Variants in SERPINB2 observed in about 807,000 individuals in gnomAD.
The protein encoded by SERPINB2 is plasminogen activator inhibitor 2.
A neutral mutation model predicts 39.4 loss-of-function variants in SERPINB2; 28 were observed. The observed-to-expected ratio is 0.71, with a 90% CI of 0.53 to 0.97. The LOEUF is 0.97. Ranked by LOEUF, SERPINB2 falls within the 50% of genes least tolerant of loss-of-function variation. SERPINB2 has a pLI of 0.00. For synonymous variants in SERPINB2, 209 were observed against 175.1 expected (o/e 1.19, Z -1.53); for missense variants, 557 against 505.3 (o/e 1.10, Z -0.98).
Position 63,897,727 on chromosome 18 carries a change from GA to G in SERPINB2, c.420del (p.Glu140AspfsTer17), listed in dbSNP as rs1350662973. 6.4e-7 allele frequency: 1 copy of G among 1,573,048 alleles called. No homozygotes were observed. Among genetic ancestry groups the G allele is most frequent in the Non-Finnish European group, 8.7e-7 (1 of 1,143,362 alleles). ...FGEKSASFRE[E>X]YIRLCQKYYS... ...CCTTTGTCATTTTCTTGCTTTAAAG[GA>G]ATATATTCGACTCTGTCAGAAATAT... On this transcript the variant is annotated frameshift_variant and splice_region_variant, in exon 5 of 8. Coordinates refer to ENST00000299502, the MANE Select transcript of SERPINB2 (RefSeq NM_002575.3). LOFTEE classifies it high-confidence loss of function.
chr18:63,900,380 G>A (rs773966789), intron 5 of SERPINB2, among the ~76,000 whole-genome samples: 1 of 152,184 alleles, frequency 6.6e-6, no homozygotes, highest in Non-Finnish European at 1.5e-5. Context: ...GTGGGGCTTA[G>A]CCTTCAAGGG....
intron 1 of SERPINB2, chr18:63,891,031 A>G (rs570697393): frequency 1.5e-4 from 28 of 182,064 alleles, no homozygotes; most frequent in Non-Finnish European, 2.7e-4. Context: ...GGGTCTGCCT[A>G]TCTGGCTTCA....
At chr18:63,891,636 ATTTGGGCCGAGTAG>A in intron 2 of SERPINB2, 24 bp downstream of exon 2, 1 of 1,603,748 alleles carries the variant, frequency 6.2e-7, no homozygotes, top group South Asian at 1.1e-5. Context: ...GAAGCTCCAC[ATTTGGGCCGAGTAG>A]TTCCTGAATG....
At chr18:63,902,615 GTGAGA>G (rs3217292) in intron 7 of SERPINB2, 47 bp downstream of exon 7, 360,342 of 1,496,730 alleles carry the variant, frequency 0.24, 48,960 homozygotes, top group African/African-American at 0.45. Flanking sequence ...CCTACCTTTC[GTGAGA>G]TGAGATGAAT....
chr18:63,891,710 G>A (rs2144695543), intron 2 of SERPINB2, 98 bp downstream of exon 2: 1 of 1,212,298 alleles, frequency 8.2e-7, no homozygotes, highest in Non-Finnish European at 1.1e-6. Flanking sequence ...TAACTCAGGA[G>A]GTCAGCAATC....
At chr18:63,897,002 T>C in intron 3 of SERPINB2, 89 bp from the exon 4 acceptor site, 1 of 1,237,634 alleles carries the variant, frequency 8.1e-7, no homozygotes, top group East Asian at 2.5e-5. Flanking sequence ...CATTTCATGA[T>C]TGTATTCAAA....
chr18:63,902,805 G>T (rs1438300824), intron 7 of SERPINB2, 96 bp from the exon 8 acceptor site: 5 of 1,316,818 alleles, frequency 3.8e-6, no homozygotes, highest in African/African-American at 1.5e-5. Context: ...ATATAGTAAA[G>T]TCACTGATTT....
At chr18:63,890,280 A>G (rs993432671) in intron 1 of SERPINB2, among the ~76,000 whole-genome samples, 1 of 152,212 alleles carries the variant, frequency 6.6e-6, no homozygotes, top group Non-Finnish European at 1.5e-5. Context: ...GTTGGAGAGC[A>G]ATGCTGTGTG....
chr18:63,888,156 T>C (rs1453586157), intron 1 of SERPINB2, among the ~76,000 whole-genome samples: 1 of 152,238 alleles, frequency 6.6e-6, no homozygotes, highest in Non-Finnish European at 1.5e-5. Context: ...AGCAATTGAA[T>C]GTAATCTCTA....
intron 1 of SERPINB2, 117 bp from the exon 2 acceptor site, chr18:63,891,319 G>T: frequency 2.9e-6 from 3 of 1,041,822 alleles, no homozygotes. Context: ...CCATGAGGAA[G>T]AACAGACAGG....
Position 63,897,746 on chromosome 18 carries a change from A to G in SERPINB2, c.437A>G (p.Gln146Arg), listed in dbSNP as rs1426740816. The G allele has an allele frequency of 6.2e-7, 1 of 1,609,424 alleles. No homozygotes were observed. ...SFREEYIRLC[Q>R]KYYSSEPQAV... ...TTAAAGGAATATATTCGACTCTGTC[A>G]GAAATATTACTCCTCAGAACCCCAG... The change falls in exon 5 of 8, where the codon CAG (glutamine) becomes CGG (arginine). Residue 146 changes from glutamine to arginine, a missense_variant. Gln to Arg is a conservative substitution (Grantham distance 43). Transcript: ENST00000299502.
In SERPINB2 at chr18:63,903,095, G is replaced by C. The variant is rs776995084; in HGVS notation, c.1038G>C (p.Arg346Ser). ...GRANFSGMSERNDLFLSEVFH... is the reference protein window; with the variant it reads ...GRANFSGMSESNDLFLSEVFH... ...CCAATTTCTCAGGGATGTCGGAGAG[G>C]AATGACCTGTTTCTTTCTGAAGTGT... The change falls in exon 8 of 8, where the codon AGG (arginine) becomes AGC (serine). Residue 346 changes from arginine (R) to serine (S), a missense_variant. Transcript: ENST00000299502. 1.2e-6 allele frequency: 2 copies of C among 1,613,724 alleles called. No homozygotes were observed. Among genetic ancestry groups the C allele is most frequent in the Non-Finnish European group, 1.7e-6 (2 of 1,179,784 alleles).
intron 5 of SERPINB2, 131 bp downstream of exon 5, chr18:63,897,975 G>A (rs1599062131): frequency 3.1e-6 from 2 of 645,876 alleles, no homozygotes; most frequent in South Asian, 1.9e-5. Context: ...TGGTGGATGT[G>A]AATTTATTCC....
chr18:63,897,069 G>A, intron 3 of SERPINB2, 22 bp from the exon 4 acceptor site: 1 of 1,607,126 alleles, frequency 6.2e-7, no homozygotes, highest in Non-Finnish European at 8.5e-7. Flanking sequence ...TATATATAAA[G>A]AATTCCTTCT....
intron 3 of SERPINB2, 49 bp downstream of exon 3, chr18:63,895,432 C>T (rs2049953521): frequency 6.2e-7 from 1 of 1,612,262 alleles, no homozygotes; most frequent in Admixed American, 1.7e-5. Context: ...TTTTTGCAAT[C>T]TTCCTGTCTT....
Sources: allele counts gnomAD v4.1 joint callset (sites outside exome capture counted in the v4.1 genomes callset), GRCh38; gene constraint gnomAD v4.1.1; transcripts MANE v1.5; gene names NCBI Gene and HGNC (gene_info 2026-07-23, HGNC 2026-07-21).